ARFGEF3: variants seen among roughly 807,000 people sequenced by gnomAD.
ARFGEF3 encodes ARFGEF family member 3.
In ARFGEF3, 96 loss-of-function variants were observed where a neutral mutation model predicts 221.7. The ratio of observed to expected loss-of-function variants is 0.43; its 90% CI spans 0.37 to 0.51. ARFGEF3 has a LOEUF of 0.51. Ranked by LOEUF, ARFGEF3 falls within the 20% of genes least tolerant of loss-of-function variation. The pLI, the probability that ARFGEF3 is intolerant of heterozygous loss-of-function variation, is 0.00. For missense variants in ARFGEF3, 2,410 were observed against 2,789.9 expected, an observed-to-expected ratio of 0.86 and a Z score of 3.07; for synonymous variants, 1,145 against 1,126.8, an observed-to-expected ratio of 1.02 and a Z score of -0.32.
intron 4 of ARFGEF3, among the ~76,000 whole-genome samples, chr6:138,225,339 C>T (rs748331179): frequency 2.6e-5 from 4 of 152,240 alleles, no homozygotes; most frequent in Admixed American, 2.6e-4. Flanking sequence ...TTTCACACTT[C>T]CATGCCTTGC....
chr6:138,333,423 CTT>C (rs1402948523), intron 32 of ARFGEF3, among the ~76,000 whole-genome samples: 1 of 152,118 alleles, frequency 6.6e-6, no homozygotes, highest in Non-Finnish European at 1.5e-5. Context: ...GGCATAATAA[CTT>C]ATATTCTATA....
At chr6:138,188,916 G>A (rs1313437112) in intron 2 of ARFGEF3, among the ~76,000 whole-genome samples, 1 of 152,230 alleles carries the variant, frequency 6.6e-6, no homozygotes, top group Non-Finnish European at 1.5e-5. Flanking sequence ...AGTGCTTGCA[G>A]TACAGGATCG....
chr6:138,187,657 C>T (rs1369930129), intron 2 of ARFGEF3, among the ~76,000 whole-genome samples: 1 of 152,186 alleles, frequency 6.6e-6, no homozygotes, highest in Non-Finnish European at 1.5e-5. Flanking sequence ...ATGTTTCTCT[C>T]CCAGGTTGGT....
chr6:138,241,609 A>G (rs1434130614), intron 6 of ARFGEF3, among the ~76,000 whole-genome samples: 1 of 152,218 alleles, frequency 6.6e-6, no homozygotes, highest in East Asian at 1.9e-4. Flanking sequence ...AGCTGGCTTA[A>G]TAAAACTCAA....
intron 10 of ARFGEF3, among the ~76,000 whole-genome samples, chr6:138,260,883 A>G (rs987210925): frequency 3.3e-5 from 5 of 152,180 alleles, no homozygotes; most frequent in African/African-American, 1.2e-4. Flanking sequence ...GCATCTTTAG[A>G]ACACTCTATT....
At chr6:138,321,513 G>T (rs1053723872) in intron 29 of ARFGEF3, among the ~76,000 whole-genome samples, 1 of 152,112 alleles carries the variant, frequency 6.6e-6, no homozygotes, top group Non-Finnish European at 1.5e-5. Context: ...TAAGAGAAAC[G>T]CAAATTGAAT....
At chr6:138,174,469 TAAAAAAAAAAAAAAAAAAAAAAAAA>T (rs35236693) in intron 2 of ARFGEF3, among the ~76,000 whole-genome samples, 1 of 25,280 alleles carries the variant, frequency 4.0e-5, no homozygotes, top group Non-Finnish European at 7.1e-5. Context: ...GAGCATCTGC[TAAAAAAAAAAAAAAAAAAAAAAAAA>T]AAAAAAAAAA....
At chr6:138,283,178 T>C (rs1412632917) in intron 14 of ARFGEF3, among the ~76,000 whole-genome samples, 1 of 152,262 alleles carries the variant, frequency 6.6e-6, no homozygotes, top group African/African-American at 2.4e-5. Context: ...TGGCAGGTAC[T>C]GCCCAGAGCT....
At chr6:138,306,308 TAAAGA>T (rs1235795832) in intron 22 of ARFGEF3, among the ~76,000 whole-genome samples, 1 of 152,058 alleles carries the variant, frequency 6.6e-6, no homozygotes, top group Non-Finnish European at 1.5e-5. Context: ...TGAGAGAAAT[TAAAGA>T]AGATTCAAAT....
At position 138,225,972 on chromosome 6, in the gene ARFGEF3, G is replaced by A. The variant is rs117975665; in HGVS notation, c.352-3812G>A. Among the ~76,000 whole-genome samples the A allele has an allele frequency of 7.2e-3, 1,092 of 152,186 alleles. 6 individuals carry two copies. The highest frequency in any genetic ancestry group is 0.011 in the Non-Finnish European group (755 of 68,006). ...TAACTATCCTTGGGAGGTGGGATGG[G>A]AATTTTAAAGGTAAAGGGCTAGAGG... On this transcript the variant is annotated intron_variant, in intron 4 of 33. Transcript: ENST00000251691.
At chr6:138,172,035 T>A (rs1233628298) in intron 2 of ARFGEF3, among the ~76,000 whole-genome samples, 1 of 152,200 alleles carries the variant, frequency 6.6e-6, no homozygotes, top group East Asian at 1.9e-4. Flanking sequence ...TGAACAAAAT[T>A]TATGTTTCTA....
intron 17 of ARFGEF3, among the ~76,000 whole-genome samples, chr6:138,289,564 G>T (rs79562428): frequency 0.029 from 4,342 of 152,298 alleles, 71 homozygotes; most frequent in Non-Finnish European, 0.043. Context: ...CCATGAAAGG[G>T]CCTGGAAGGA....
intron 2 of ARFGEF3, among the ~76,000 whole-genome samples, chr6:138,197,678 T>C (rs1334187298): frequency 1.3e-5 from 2 of 152,176 alleles, no homozygotes; most frequent in Non-Finnish European, 1.5e-5. Flanking sequence ...GGAAACACCA[T>C]TGTGCGGCAC....
chr6:138,259,437 C>G (rs1778746359), intron 10 of ARFGEF3, among the ~76,000 whole-genome samples: 1 of 152,166 alleles, frequency 6.6e-6, no homozygotes, highest in Non-Finnish European at 1.5e-5. Flanking sequence ...TTCCTTTTCT[C>G]TCCTATGGCT....
chr6:138,329,640 G>T (rs575238326), intron 32 of ARFGEF3, among the ~76,000 whole-genome samples: 4 of 152,314 alleles, frequency 2.6e-5, no homozygotes, highest in Non-Finnish European at 4.4e-5. Flanking sequence ...CTCCAGCCTG[G>T]GTGATAGAGT....
chr6:138,301,239 G>T (rs1779623893), intron 22 of ARFGEF3, among the ~76,000 whole-genome samples: 1 of 152,196 alleles, frequency 6.6e-6, no homozygotes, highest in Non-Finnish European at 1.5e-5. Context: ...CATCTGAGGG[G>T]TCTGGAAATT....
chr6:138,307,445 C>A, intron 23 of ARFGEF3, 48 bp downstream of exon 23: 3 of 1,549,668 alleles, frequency 1.9e-6, no homozygotes, highest in Non-Finnish European at 2.6e-6. Flanking sequence ...ATTCTCTGTG[C>A]CAAGTTTCAT....
intron 1 of ARFGEF3, among the ~76,000 whole-genome samples, chr6:138,169,688 T>C (rs777796600): frequency 6.6e-6 from 1 of 152,206 alleles, no homozygotes; most frequent in African/African-American, 2.4e-5. Context: ...TCTTCCTCCA[T>C]TGGCCTTGTC....
intron 2 of ARFGEF3, among the ~76,000 whole-genome samples, chr6:138,179,385 C>T (rs142195973): frequency 4.7e-4 from 71 of 152,316 alleles, no homozygotes; most frequent in African/African-American, 1.7e-3. Flanking sequence ...CTTACCTGCT[C>T]CATGATTTTT....
Sources: allele counts gnomAD v4.1 joint callset (sites outside exome capture counted in the v4.1 genomes callset), GRCh38; gene constraint gnomAD v4.1.1; transcripts MANE v1.5; gene names NCBI Gene and HGNC (gene_info 2026-07-23, HGNC 2026-07-21).